AIRE: variants seen among roughly 807,000 people sequenced by gnomAD.
The protein encoded by AIRE is autoimmune regulator.
Under a neutral mutation model 62.1 loss-of-function variants are expected in AIRE, and 52 were observed. That is an observed-to-expected ratio of 0.84 (90% CI 0.67 to 1.06). The LOEUF is 1.06. AIRE is among the 50% of genes least tolerant of loss of function. The probability of loss-of-function intolerance (pLI) is 0.00; values close to 1 mark genes in which losing one functional copy is unlikely to be tolerated. For missense variants in AIRE, 774 were observed against 755.8 expected (o/e 1.02, Z -0.28); for synonymous variants, 342 against 321.6 (o/e 1.06, Z -0.68).
rs1330374038 is a variant in AIRE at position 44,297,886 on chromosome 21, C to G, written c.*159C>G. 7 of 704,884 alleles carry G rather than the reference C, an allele frequency of 9.9e-6. No individual in the cohort carries two copies. Among genetic ancestry groups the G allele is most frequent in the Non-Finnish European group, 1.5e-5 (6 of 401,800 alleles). 43.7% of individuals were successfully genotyped at this position (704,884 alleles called of 1,614,324 possible). ...AGCTCTGTGTTTCTGGGGACACCAGCCATCATGTGCCTGGAAATTAAACCC... is the reference window on the plus strand; with the variant it reads ...AGCTCTGTGTTTCTGGGGACACCAGGCATCATGTGCCTGGAAATTAAACCC... On this transcript the variant is annotated 3_prime_UTR_variant, in exon 14 of 14. Coordinates refer to ENST00000291582, the MANE Select transcript of AIRE (RefSeq NM_000383.4). This position sits in a 1 kb window ranked among gnomAD's most constrained non-coding sequence, Gnocchi z 4.8.
rs146415447 is a variant in AIRE at position 44,298,162 on chromosome 21, A to C, written c.*435A>C. ...ACAAAACAAAACAAAAAAACCACAT[A>C]ACATAAATTTATCATCTCGACCACT... On this transcript the variant is annotated 3_prime_UTR_variant, in exon 14 of 14. Coordinates refer to ENST00000291582, the MANE Select transcript of AIRE (RefSeq NM_000383.4). 940 of 243,578 alleles carry C rather than the reference A, an allele frequency of 3.9e-3. 3 individuals carry two copies. Among genetic ancestry groups the C allele is most frequent in the Non-Finnish European group, 5.9e-3 (717 of 120,540 alleles). 15.1% of individuals were successfully genotyped at this position (243,578 alleles called of 1,614,324 possible). A position where few individuals can be genotyped will look rare whatever the true frequency, so the allele number is the denominator to read the frequency against.
chr21:44,292,866 C>T (rs974877241), intron 9 of AIRE, 127 bp from the exon 10 acceptor site: 38 of 782,512 alleles, frequency 4.9e-5, no homozygotes, highest in Non-Finnish European at 7.0e-5. Flanking sequence ...CAGCCCTCCG[C>T]CCCCACCATG....
intron 9 of AIRE, 81 bp downstream of exon 9, chr21:44,292,482 C>T: frequency 1.1e-6 from 1 of 923,698 alleles, no homozygotes; most frequent in Non-Finnish European, 1.7e-6. Flanking sequence ...CCACCCCCTC[C>T]TGTCCGTCTG....
rs372219460 is a variant in AIRE, at chr21:44,297,709, G to A, written c.1620G>A (p.Ala540=). ...QWAIQSMARP[A]APFPS ...CCATCCAGAGCATGGCCCGTCCGGC[G>A]GCCCCCTTCCCCTCCTGACCCCAGA... Residue 540 remains alanine, a synonymous_variant, in exon 14 of 14, where the codon GCG becomes GCA. Coordinates refer to ENST00000291582, the MANE Select transcript of AIRE (RefSeq NM_000383.4). The surrounding 1 kb of genome is among the most constrained non-coding windows in gnomAD (Gnocchi z 4.8). 5.6e-6 allele frequency: 9 copies of A among 1,612,222 alleles called. No homozygotes were observed. The highest frequency in any genetic ancestry group is 5.3e-5 in the African/African-American group (4 of 74,908).
Position 44,289,995 on chromosome 21 carries a change from G to A in AIRE, c.806G>A (p.Gly269Asp). The change falls in exon 7 of 14, where the codon GGT becomes GAT. Residue 269 changes from glycine (G) to aspartate (D), a missense_variant. Physicochemically the swap from Gly to Asp is moderately conservative, Grantham distance 94. This residue lies in a region of AIRE where 385 missense variants were observed against 396.0 expected (regional missense o/e 0.97). Coordinates refer to ENST00000291582, the MANE Select transcript of AIRE (RefSeq NM_000383.4). ...CGCCCCTCTTCCTTGCAGGGTGGAGGTGAGGCTAGGCTGGGCCAGCAGGGC... is the reference window on the plus strand; with the variant it reads ...CGCCCCTCTTCCTTGCAGGGTGGAGATGAGGCTAGGCTGGGCCAGCAGGGC... ...KGAQGAAPGG[G>D]EARLGQQGSV... is the part of the protein sequence containing the mutation. 1 of 1,611,084 alleles carries A rather than the reference G, an allele frequency of 6.2e-7. No homozygotes were observed. The highest frequency in any genetic ancestry group is 8.5e-7 in the Non-Finnish European group (1 of 1,179,348).
chr21:44,294,069 C>T (rs2040578291), intron 11 of AIRE, among the ~76,000 whole-genome samples, 159 bp downstream of exon 11: 1 of 144,310 alleles, frequency 6.9e-6, no homozygotes, highest in African/African-American at 2.6e-5. Flanking sequence ...ATGCCCTGCA[C>T]CCACACCCTA....
intron 10 of AIRE, 152 bp downstream of exon 10, chr21:44,293,327 T>TGGGGGGGGAGGGGGGGGGGGG: frequency 9.2e-6 from 1 of 109,042 alleles, no homozygotes; most frequent in Non-Finnish European, 1.7e-5. Flanking sequence ...CGTGGGGGGC[T>TGGGGGGGGAGGGGGGGGGGGG]GCGGGGGGAA....
In AIRE at chr21:44,286,198, G is replaced by C. The variant is rs578064722; in HGVS notation, c.132+60G>C. The C allele has an allele frequency of 9.4e-3, 14,189 of 1,506,762 alleles. 90 individuals are homozygous for C. Among genetic ancestry groups the C allele is most frequent in the Non-Finnish European group, 0.011 (12,872 of 1,120,334 alleles). The allele number at this position is 1,506,762 out of a possible 1,614,324, so 93.3% of individuals were successfully genotyped here. ...CCCTGTGAGCCAGGGATAGTCCCCG[G>C]GGAAGTTCCAGGAGGACCCCGCCCC... On this transcript the variant is annotated intron_variant, in intron 1 of 13. Coordinates refer to ENST00000291582, the MANE Select transcript of AIRE (RefSeq NM_000383.4). The surrounding 1 kb of genome is among the most constrained non-coding windows in gnomAD (Gnocchi z 6.0).
intron 7 of AIRE, chr21:44,290,751 T>G: frequency 7.0e-7 from 1 of 1,436,170 alleles, no homozygotes; most frequent in Non-Finnish European, 9.4e-7. Context: ...CAGCAGGCGC[T>G]GAGGTCGGGA....
chr21:44,297,593 C>A lies in AIRE; in HGVS notation c.1567-63C>A. On this transcript the variant is annotated intron_variant, in intron 13 of 13. Transcript: ENST00000291582. The surrounding 1 kb of genome is among the most constrained non-coding windows in gnomAD (Gnocchi z 4.8). ...GGATGGTGACTTCTTGTAACGATGG[C>A]CATGATTCTGTGGCTGCGGCGGGGG... 7.0e-7 allele frequency: 1 copy of A among 1,424,776 alleles called. No homozygotes were observed. Among genetic ancestry groups the A allele is most frequent in the Non-Finnish European group, 9.9e-7 (1 of 1,012,536 alleles). The allele number at this position is 1,424,776 out of a possible 1,614,324, so 88.3% of individuals were successfully genotyped here.
Position 44,293,107 on chromosome 21 carries a change from GC to G in AIRE, c.1214del (p.Pro405ArgfsTer75), listed in dbSNP as rs2040560523. On this transcript the variant is annotated frameshift_variant, in exon 10 of 14. Coordinates refer to ENST00000291582, the MANE Select transcript of AIRE (RefSeq NM_000383.4). LOFTEE classifies it high-confidence loss of function. ...GCACCTGCCGGCTCCGCCTTCTGCA[GC>G]CCCGCTGCCAGGGCTGGACTCCTCG... ...YKHLPAPPSAAPLPGLDSSAL... is the reference protein window; with the variant it reads ...YKHLPAPPSAXPLPGLDSSAL... 6.2e-7 allele frequency: 1 copy of G among 1,607,162 alleles called. No individual in the cohort carries two copies. Among genetic ancestry groups the G allele is most frequent in the Non-Finnish European group, 8.5e-7 (1 of 1,177,656 alleles).
chr21:44,286,111 C>G lies in AIRE; in HGVS notation c.105C>G (p.His35Gln), dbSNP rs2040478756. The G allele has an allele frequency of 1.3e-6, 2 of 1,546,962 alleles. No homozygotes were observed. The highest frequency in any genetic ancestry group is 2.7e-5 in the African/African-American group (2 of 72,932). Residue 35 changes from histidine (H) to glutamine (Q), a missense_variant, in exon 1 of 14, where the codon CAC becomes CAG. Around this residue, in one of 3 missense-constraint regions of AIRE, gnomAD observed 385 missense variants for 396.0 expected, o/e 0.97. Transcript: ENST00000291582. This position sits in a 1 kb window ranked among gnomAD's most constrained non-coding sequence, Gnocchi z 6.0. ...AFPLLHALAD[H>Q]DVVPEDKFQE... The stretch of plus-strand genomic sequence containing the variant: ...CACTGCTGCACGCGCTGGCTGACCA[C>G]GACGTGGTCCCCGAGGACAAGTTTC...
In AIRE at chr21:44,297,178, T is replaced by C. The variant is rs1349529130; in HGVS notation, c.1567-478T>C. 1.3e-5 allele frequency among the ~76,000 whole-genome samples: 2 copies of C among 152,176 alleles called. No homozygotes were observed. The highest frequency in any genetic ancestry group is 4.8e-5 in the African/African-American group (2 of 41,450). ...CCCCTCTGGATGGGGTCCCCGGGTA[T>C]AGCTGGAGAAATGAGCGACGGGCTC... On this transcript the variant is annotated intron_variant, in intron 13 of 13. Coordinates refer to ENST00000291582, the MANE Select transcript of AIRE (RefSeq NM_000383.4). This position sits in a 1 kb window ranked among gnomAD's most constrained non-coding sequence, Gnocchi z 4.8.
chr21:44,291,999 G>A (rs1439092123), intron 8 of AIRE, among the ~76,000 whole-genome samples: 3 of 152,188 alleles, frequency 2.0e-5, no homozygotes, highest in Admixed American at 6.5e-5. Context: ...GGAGGCCCCC[G>A]GCAGGGCCCA....
At chr21:44,295,291 G>A (rs1052831433) in intron 12 of AIRE, among the ~76,000 whole-genome samples, 4 of 152,104 alleles carry the variant, frequency 2.6e-5, no homozygotes, top group African/African-American at 9.7e-5. Flanking sequence ...GTACTCCCCA[G>A]GAGGGTGACA....
rs566659101 is a variant in AIRE, at chr21:44,287,560, C to T, written c.507C>T (p.Ser169=). The T allele has an allele frequency of 1.1e-4, 168 of 1,559,246 alleles. No individual in the cohort carries two copies. The highest frequency in any genetic ancestry group is 8.0e-4 in the African/African-American group (59 of 73,764). The change falls in exon 4 of 14, where the codon AGC becomes AGT. Residue 169 remains serine (S), a synonymous_variant. Transcript: ENST00000291582. This position sits in a 1 kb window ranked among gnomAD's most constrained non-coding sequence, Gnocchi z 4.3. The part of the protein sequence containing the change: ...KAKPPKKPES[S]AEQQRLPLGN... ...AGCCCCCCAAGAAGCCGGAGAGCAG[C>T]GCAGAGCAGCAGCGCCTTCCACTCG...
In AIRE at chr21:44,287,790, G is replaced by A. The variant is rs1344086922; in HGVS notation, c.538+199G>A. On this transcript the variant is annotated intron_variant, in intron 4 of 13. Coordinates refer to ENST00000291582, the MANE Select transcript of AIRE (RefSeq NM_000383.4). The surrounding 1 kb of genome is among the most constrained non-coding windows in gnomAD (Gnocchi z 4.3). ...GGGTCTAAGCATGATCTTGCCAGTC[G>A]CCCCTGCCCCCACTGCACCCTGGTT... is the stretch of plus-strand genomic sequence containing the variant. Among the ~76,000 whole-genome samples the A allele has an allele frequency of 1.3e-5, 2 of 152,030 alleles. No individual in the cohort carries two copies. The highest frequency in any genetic ancestry group is 2.4e-5 in the African/African-American group (1 of 41,366).
Position 44,297,523 on chromosome 21 carries a change from G to C in AIRE, c.1567-133G>C. 1 of 809,768 alleles carries C rather than the reference G, an allele frequency of 1.2e-6. No homozygotes were observed. Among genetic ancestry groups the C allele is most frequent in the Non-Finnish European group, 2.1e-6 (1 of 481,344 alleles). 50.2% of individuals were successfully genotyped at this position (809,768 alleles called of 1,614,324 possible). Reference sequence around the variant, plus strand: ...CTCCCCAGACTGGCCTGTGCCATGGGGCCTCGGGCCTCAGTTTCCCCACCT... The same window carrying C: ...CTCCCCAGACTGGCCTGTGCCATGGCGCCTCGGGCCTCAGTTTCCCCACCT... On this transcript the variant is annotated intron_variant, in intron 13 of 13. Coordinates refer to ENST00000291582, the MANE Select transcript of AIRE (RefSeq NM_000383.4). The surrounding 1 kb of genome is among the most constrained non-coding windows in gnomAD (Gnocchi z 4.8).
intron 7 of AIRE, chr21:44,290,346 G>T: frequency 5.1e-6 from 5 of 985,474 alleles, no homozygotes; most frequent in Non-Finnish European, 4.8e-6. Flanking sequence ...TGGGCCCGTG[G>T]GTGGGCCGGG....
Sources: gnomAD v4.1 joint callset for allele counts (sites outside exome capture counted in the v4.1 genomes callset) on GRCh38, gnomAD v4.1.1 for gene constraint, gnomAD v4.1.1 regional missense constraint, Gnocchi (gnomAD v3.1) non-coding constraint, MANE v1.5 for transcripts, NCBI Gene and HGNC (gene_info 2026-07-23, HGNC 2026-07-21) for gene names.